The following SYT2 variants were observed in gnomAD, a reference collection of about 807,000 sequenced individuals.
SYT2 encodes the protein synaptotagmin-2.
Under a neutral mutation model 39.9 loss-of-function variants are expected in SYT2, and 15 were observed. The observed-to-expected ratio is 0.38, with a 90% CI of 0.25 to 0.58. The LOEUF (loss-of-function observed/expected upper bound fraction) is 0.58. Ranked by LOEUF, SYT2 falls within the 20% of genes least tolerant of loss-of-function variation. The probability of loss-of-function intolerance (pLI) is 0.70; values close to 1 mark genes in which losing one functional copy is unlikely to be tolerated. For synonymous variants in SYT2, 181 were observed against 204.5 expected (o/e 0.89, Z 0.98); for missense variants, 389 against 530.3 (o/e 0.73, Z 2.62).
At chr1:202,617,890 C>T (rs1202136953) in intron 1 of SYT2, among the ~76,000 whole-genome samples, 1 of 152,188 alleles carries the variant, frequency 6.6e-6, no homozygotes, top group African/African-American at 2.4e-5. Flanking sequence ...GGGACGCTCA[C>T]TTGTTTACGC....
intron 1 of SYT2, among the ~76,000 whole-genome samples, chr1:202,634,187 TAGAAC>T (rs534119728): frequency 2.0e-5 from 3 of 152,338 alleles, no homozygotes; most frequent in South Asian, 4.1e-4. Context: ...ATGAAATACT[TAGAAC>T]AGAGCCTAGT....
At chr1:202,648,862 T>TC (rs1291593225) in intron 1 of SYT2, among the ~76,000 whole-genome samples, 19 of 152,220 alleles carry the variant, frequency 1.2e-4, no homozygotes, top group Non-Finnish European at 2.6e-4. Context: ...AGAGAGACCC[T>TC]CCAGCTTGGG....
Position 202,628,670 on chromosome 1 carries a change from C to A in SYT2, c.-17-22881G>T, listed in dbSNP as rs890596990. Among the ~76,000 whole-genome samples the A allele has an allele frequency of 2.0e-5, 3 of 152,206 alleles. No individual in the cohort carries two copies. Among genetic ancestry groups the A allele is most frequent in the Non-Finnish European group, 4.4e-5 (3 of 68,044 alleles). ...GGAGATAGGGGCCAGGAGGGATGAA[C>A]CATGGCCTCAAAACACCCATGGGCT... On this transcript the variant is annotated intron_variant, in intron 1 of 8. Transcript: ENST00000367268. This position sits in a 1 kb window ranked among gnomAD's most constrained non-coding sequence, Gnocchi z 4.2.
intron 1 of SYT2, among the ~76,000 whole-genome samples, chr1:202,617,836 C>T (rs1396420920): frequency 6.6e-6 from 1 of 152,226 alleles, no homozygotes; most frequent in Non-Finnish European, 1.5e-5. Flanking sequence ...AGTCCAGGGG[C>T]TAAATCCAGT....
At chr1:202,616,812 G>T (rs1691052438) in intron 1 of SYT2, among the ~76,000 whole-genome samples, 1 of 152,150 alleles carries the variant, frequency 6.6e-6, no homozygotes, top group Non-Finnish European at 1.5e-5. Context: ...TCCCTGCGTG[G>T]TTCCTTCTGC....
At chr1:202,708,815 G>A (rs1654316514) in intron 1 of SYT2, among the ~76,000 whole-genome samples, 1 of 152,222 alleles carries the variant, frequency 6.6e-6, no homozygotes, top group Admixed American at 6.5e-5. Context: ...CACTGGGCAT[G>A]GCTTTTTTCA....
At chr1:202,698,261 G>T (rs1236348264) in intron 1 of SYT2, among the ~76,000 whole-genome samples, 1 of 152,194 alleles carries the variant, frequency 6.6e-6, no homozygotes, top group South Asian at 2.1e-4. Flanking sequence ...TACCTGGACA[G>T]CAGTACAGTC....
intron 1 of SYT2, among the ~76,000 whole-genome samples, chr1:202,677,169 G>A (rs1240026710): frequency 6.6e-6 from 1 of 152,174 alleles, no homozygotes; most frequent in Non-Finnish European, 1.5e-5. Context: ...CCCAGTCTCA[G>A]GTAGTTCTTT....
chr1:202,705,894 T>C (rs1654237193), intron 1 of SYT2, among the ~76,000 whole-genome samples: 1 of 152,124 alleles, frequency 6.6e-6, no homozygotes, highest in Non-Finnish European at 1.5e-5. Flanking sequence ...GGTCTCCATA[T>C]GTTGCCCAGC....
At chr1:202,630,494 G>A (rs943767860) in intron 1 of SYT2, 25 of 702,988 alleles carry the variant, frequency 3.6e-5, no homozygotes, top group Admixed American at 6.3e-5. Context: ...CAAGGTTTAG[G>A]AGGAGATGGG....
intron 1 of SYT2, among the ~76,000 whole-genome samples, chr1:202,693,837 T>C (rs901466177): frequency 6.6e-6 from 1 of 152,374 alleles, no homozygotes; most frequent in Non-Finnish European, 1.5e-5. Flanking sequence ...AGATGTTTAA[T>C]TGGCTCATGG....
chr1:202,690,649 G>A (rs569263286), intron 1 of SYT2, among the ~76,000 whole-genome samples: 3 of 152,288 alleles, frequency 2.0e-5, no homozygotes, highest in East Asian at 1.9e-4. Flanking sequence ...GTCTCTGGAC[G>A]GTTCTAATTC....
intron 1 of SYT2, among the ~76,000 whole-genome samples, chr1:202,701,433 G>C (rs574529901): frequency 2.0e-5 from 3 of 152,308 alleles, no homozygotes; most frequent in African/African-American, 7.2e-5. Context: ...TGCTTTATGT[G>C]TACTTCTCAT....
At chr1:202,681,993 A>T (rs1415271039) in intron 1 of SYT2, among the ~76,000 whole-genome samples, 1 of 152,214 alleles carries the variant, frequency 6.6e-6, no homozygotes, top group Non-Finnish European at 1.5e-5. Flanking sequence ...TGATGAGGCC[A>T]GGGCCACGGT....
chr1:202,604,273 C>T (rs532179338), intron 3 of SYT2, 182 bp downstream of exon 3: 19 of 641,080 alleles, frequency 3.0e-5, no homozygotes, highest in Non-Finnish European at 4.1e-5. Context: ...GGAATAAGGC[C>T]CCCCCCTCCC....
At chr1:202,704,294 G>A (rs561861391) in intron 1 of SYT2, among the ~76,000 whole-genome samples, 2 of 152,344 alleles carry the variant, frequency 1.3e-5, no homozygotes, top group South Asian at 2.1e-4. Context: ...AGGAGAGGAG[G>A]AGAAACAACA....
intron 1 of SYT2, among the ~76,000 whole-genome samples, chr1:202,624,747 G>GTGTGTGT (rs1691315870): frequency 1.5e-5 from 2 of 137,812 alleles, no homozygotes; most frequent in African/African-American, 2.8e-5. Flanking sequence ...GCATGTAGTA[G>GTGTGTGT]GGTGTGTGGT....
intron 1 of SYT2, among the ~76,000 whole-genome samples, chr1:202,646,663 T>C (rs1477810633): frequency 6.6e-6 from 1 of 152,236 alleles, no homozygotes; most frequent in Admixed American, 6.5e-5. Flanking sequence ...AAACAGACTT[T>C]TTGTAAAGAT....
chr1:202,599,479 G>C lies in SYT2; in HGVS notation c.920-128C>G. On this transcript the variant is annotated intron_variant, in intron 7 of 8. Coordinates refer to ENST00000367268, the MANE Select transcript of SYT2 (RefSeq NM_177402.5). This position sits in a 1 kb window ranked among gnomAD's most constrained non-coding sequence, Gnocchi z 4.4. ...TCACTCCGCTGAGACCAGGCCCTCA[G>C]AAAGCCCCAAGTCATGCCATCCAGT... The C allele has an allele frequency of 9.0e-7, 1 of 1,111,952 alleles. No homozygotes were observed. The highest frequency in any genetic ancestry group is 2.7e-5 in the East Asian group (1 of 36,590). 68.9% of individuals were successfully genotyped at this position (1,111,952 alleles called of 1,614,324 possible).
Sources: allele counts gnomAD v4.1 joint callset (sites outside exome capture counted in the v4.1 genomes callset), GRCh38; gene constraint gnomAD v4.1.1; non-coding constraint Gnocchi (gnomAD v3.1); transcripts MANE v1.5; gene names NCBI Gene and HGNC (gene_info 2026-07-23, HGNC 2026-07-21).